Variants in PKP4 observed in about 807,000 individuals in gnomAD.
PKP4 encodes plakophilin-4.
PKP4 carries 90 observed loss-of-function variants against 145.1 expected under a neutral mutation model. The observed-to-expected ratio is 0.62, with a 90% confidence interval of 0.52 to 0.74. The LOEUF is 0.74. Ranked by LOEUF, PKP4 falls within the 30% of genes least tolerant of loss-of-function variation. PKP4 has a pLI of 0.00. For missense variants in PKP4, 1,340 were observed against 1,482.7 expected, an observed-to-expected ratio of 0.90 and a Z score of 1.58; for synonymous variants, 563 against 577.2, an observed-to-expected ratio of 0.98 and a Z score of 0.35.
At position 158,603,109 on chromosome 2, in the gene PKP4, G is replaced by GT; in HGVS notation, c.280+11dup. 6.9e-7 allele frequency: 1 copy of GT among 1,449,972 alleles called. No homozygotes were observed. The highest frequency in any genetic ancestry group is 1.8e-4 in the Middle Eastern group (1 of 5,568). 89.8% of individuals were successfully genotyped at this position (1,449,972 alleles called of 1,614,324 possible). On this transcript the variant is annotated splice_donor_region_variant and intron_variant, in intron 4 of 21. Transcript: ENST00000389759. ...CATTTCCTTGGAGATCAACAGGTATGTTTTTTATTATATAAAAGTTATGTT... is the reference window on the plus strand; with the variant it reads ...CATTTCCTTGGAGATCAACAGGTATGTTTTTTTATTATATAAAAGTTATGTT...
intron 11 of PKP4, among the ~76,000 whole-genome samples, chr2:158,643,712 C>CAAAAAAAAA (rs762303684): frequency 4.3e-5 from 3 of 69,734 alleles, no homozygotes; most frequent in Non-Finnish European, 8.2e-5. Flanking sequence ...GGCCCTGTTT[C>CAAAAAAAAA]AAAAAAAAAA....
chr2:158,578,076 G>A (rs540714002), intron 3 of PKP4: 2 of 168,398 alleles, frequency 1.2e-5, no homozygotes, highest in Admixed American at 6.5e-5. Context: ...ATTGCTTGCA[G>A]TTTTAAGTTT....
chr2:158,467,922 T>G (rs1690907780), intron 1 of PKP4, among the ~76,000 whole-genome samples: 1 of 152,206 alleles, frequency 6.6e-6, no homozygotes, highest in Non-Finnish European at 1.5e-5. Context: ...TTTTTTCCCA[T>G]TTTGCATAAT....
chr2:158,569,086 T>A (rs1297889378), intron 2 of PKP4, among the ~76,000 whole-genome samples: 1 of 152,216 alleles, frequency 6.6e-6, no homozygotes, highest in Admixed American at 6.5e-5. Context: ...TTCTTGTGTA[T>A]TTTTAATGTA....
At chr2:158,603,203 C>A (rs2050369472) in intron 4 of PKP4, 99 bp downstream of exon 4, 1 of 637,114 alleles carries the variant, frequency 1.6e-6, no homozygotes, top group Non-Finnish European at 2.7e-6. Context: ...CCAAGCAAAG[C>A]CTTTAATAGT....
chr2:158,611,909 A>G (rs1574776381), intron 4 of PKP4, among the ~76,000 whole-genome samples: 2 of 152,226 alleles, frequency 1.3e-5, no homozygotes, highest in East Asian at 1.9e-4. Context: ...ATTTAGCCAC[A>G]CAGTCTTGAC....
chr2:158,569,677 T>C (rs141647062), intron 2 of PKP4, among the ~76,000 whole-genome samples: 13 of 152,296 alleles, frequency 8.5e-5, no homozygotes, highest in African/African-American at 3.1e-4. Context: ...GTTGCCTAAG[T>C]TGTGTTCTCA....
At chr2:158,586,728 T>C (rs2048830725) in intron 3 of PKP4, among the ~76,000 whole-genome samples, 1 of 152,194 alleles carries the variant, frequency 6.6e-6, no homozygotes, top group Admixed American at 6.5e-5. Context: ...CTACAGAAGT[T>C]GTTTATCTAG....
chr2:158,575,796 A>C (rs1383803072), intron 2 of PKP4, among the ~76,000 whole-genome samples: 2 of 150,974 alleles, frequency 1.3e-5, no homozygotes, highest in Non-Finnish European at 3.0e-5. Context: ...TCTATAACAA[A>C]AAAAACAAAA....
intron 14 of PKP4, 57 bp from the exon 15 acceptor site, chr2:158,663,215 A>G (rs2056769895): frequency 1.1e-5 from 17 of 1,558,008 alleles, no homozygotes; most frequent in South Asian, 5.9e-5. Context: ...AATGTTTTCA[A>G]GTATTGGAGA....
At chr2:158,582,012 T>C (rs970584586) in intron 3 of PKP4, among the ~76,000 whole-genome samples, 20 of 152,336 alleles carry the variant, frequency 1.3e-4, no homozygotes, top group African/African-American at 4.8e-4. Flanking sequence ...GTTGATGAAG[T>C]CTGTATCAAG....
intron 2 of PKP4, among the ~76,000 whole-genome samples, chr2:158,566,640 T>C (rs1486527478): frequency 6.6e-6 from 1 of 152,202 alleles, no homozygotes; most frequent in Non-Finnish European, 1.5e-5. Flanking sequence ...ACTACCTTGT[T>C]GGAAAATGAT....
intron 3 of PKP4, among the ~76,000 whole-genome samples, chr2:158,588,676 G>A (rs2049004569): frequency 6.6e-6 from 1 of 152,086 alleles, no homozygotes; most frequent in South Asian, 2.1e-4. Context: ...CACGTATGTG[G>A]AAGAAATAAC....
chr2:158,563,835 A>G (rs1326543415), intron 2 of PKP4, among the ~76,000 whole-genome samples: 1 of 152,010 alleles, frequency 6.6e-6, no homozygotes, highest in African/African-American at 2.4e-5. Flanking sequence ...TGTTGTTTCC[A>G]ATTGTTAGAA....
intron 1 of PKP4, among the ~76,000 whole-genome samples, chr2:158,503,659 T>C (rs1475720188): frequency 6.6e-6 from 1 of 152,250 alleles, no homozygotes; most frequent in Non-Finnish European, 1.5e-5. Context: ...TTTTAGCAGC[T>C]GAGCAAAGTT....
Position 158,514,380 on chromosome 2 carries a change from G to T in PKP4, c.-5-18800G>T, listed in dbSNP as rs73966682. Among the ~76,000 whole-genome samples, 425 of 152,304 alleles carry T rather than the reference G, an allele frequency of 2.8e-3. 1 individual carries two copies. The highest frequency in any genetic ancestry group is 9.5e-3 in the African/African-American group (397 of 41,572). ...GAACTCTAGAAACTTTATAGTGGTT[G>T]TTATTTTTTCTTGTACTTTCTTCAA... On this transcript the variant is annotated intron_variant, in intron 1 of 21. Transcript: ENST00000389759.
intron 4 of PKP4, among the ~76,000 whole-genome samples, chr2:158,615,117 A>T (rs1425769972): frequency 6.6e-6 from 1 of 151,996 alleles, no homozygotes; most frequent in Non-Finnish European, 1.5e-5. Context: ...TGTGTTTTTA[A>T]GAAGGTTTTT....
In PKP4 at chr2:158,663,409, A is replaced by G. The variant is rs1447387130; in HGVS notation, c.2541A>G (p.Ala847=). Residue 847 remains alanine, a synonymous_variant, in exon 15 of 22, where the codon GCA becomes GCG. Transcript: ENST00000389759. ...ACCCAGCCACCTTGGAAGGCTCTGC[A>G]GGGTCTCTCCAGAACCTCTCTGCTG... is the stretch of plus-strand genomic sequence containing the variant. ...SSNPATLEGS[A]GSLQNLSAGN... 1 of 1,614,024 alleles carries G rather than the reference A, an allele frequency of 6.2e-7. No individual in the cohort carries two copies. The highest frequency in any genetic ancestry group is 8.5e-7 in the Non-Finnish European group (1 of 1,180,004).
At chr2:158,570,173 T>C (rs1450100961) in intron 2 of PKP4, among the ~76,000 whole-genome samples, 1 of 152,222 alleles carries the variant, frequency 6.6e-6, no homozygotes, top group Non-Finnish European at 1.5e-5. Context: ...GCTGGTTATC[T>C]TAAGGATGAG....
Sources: allele counts gnomAD v4.1 joint callset (sites outside exome capture counted in the v4.1 genomes callset), GRCh38; gene constraint gnomAD v4.1.1; transcripts MANE v1.5; gene names NCBI Gene and HGNC (gene_info 2026-07-23, HGNC 2026-07-21).